FGF18: variants seen among roughly 807,000 people sequenced by gnomAD.
FGF18 encodes the protein fibroblast growth factor 18.
A neutral mutation model predicts 23.0 loss-of-function variants in FGF18; 5 were observed. The observed-to-expected ratio is 0.22, with a 90% confidence interval of 0.11 to 0.46. The LOEUF (loss-of-function observed/expected upper bound fraction) is 0.46. Among genes scored for constraint, FGF18 ranks in the 20% least tolerant of loss-of-function variants. The probability of loss-of-function intolerance (pLI) is 0.99; values close to 1 mark genes in which losing one functional copy is unlikely to be tolerated. For synonymous variants in FGF18, 117 were observed against 118.9 expected (o/e 0.98, Z 0.10); for missense variants, 180 against 291.6 (o/e 0.62, Z 2.79).
intron 2 of FGF18, among the ~76,000 whole-genome samples, chr5:171,420,671 G>T (rs1771991612): frequency 6.6e-6 from 1 of 152,180 alleles, no homozygotes; most frequent in African/African-American, 2.4e-5. Flanking sequence ...GCTGGCTGTC[G>T]CGGCCACTGT....
At chr5:171,424,212 T>G (rs1010802236) in intron 2 of FGF18, among the ~76,000 whole-genome samples, 19 of 152,208 alleles carry the variant, frequency 1.2e-4, no homozygotes, top group Non-Finnish European at 2.6e-4. Context: ...AGGGAGAAAG[T>G]GCCAGATGAA....
chr5:171,425,161 T>C (rs999869276), intron 2 of FGF18, among the ~76,000 whole-genome samples: 2 of 152,156 alleles, frequency 1.3e-5, no homozygotes, highest in African/African-American at 4.8e-5. Flanking sequence ...AAAATTGGGG[T>C]GCAGTCACAT....
chr5:171,448,232 A>G (rs1772446248), intron 3 of FGF18, among the ~76,000 whole-genome samples: 1 of 152,098 alleles, frequency 6.6e-6, no homozygotes, highest in African/African-American at 2.4e-5. Flanking sequence ...GGGGTCTCCC[A>G]CCCTGGGGGG....
intron 3 of FGF18, among the ~76,000 whole-genome samples, chr5:171,444,311 GTCAGACTGCCTGGGC>G (rs1772388079): frequency 6.6e-6 from 1 of 152,216 alleles, no homozygotes. Context: ...AGACTTCTGG[GTCAGACTGCCTGGGC>G]TTGGATCTCA....
chr5:171,457,158 G>GA lies in FGF18; in HGVS notation c.*367dup, dbSNP rs80325980. ...TCCTTTTTCCCAAAGGTTCTGAAAG[G>GA]AAAAAAAAAAAAAACAAAAAAAAAG... On this transcript the variant is annotated 3_prime_UTR_variant, in exon 5 of 5. Coordinates refer to ENST00000274625, the MANE Select transcript of FGF18 (RefSeq NM_003862.3). 2,364 of 90,438 alleles carry GA rather than the reference G, an allele frequency of 0.026. 42 individuals are homozygous for GA. Among genetic ancestry groups the GA allele is most frequent in the African/African-American group, 0.076 (1,850 of 24,300 alleles). 5.6% of individuals were successfully genotyped at this position (90,438 alleles called of 1,614,324 possible). A position where few individuals can be genotyped will look rare whatever the true frequency, so the allele number is the denominator to read the frequency against.
intron 2 of FGF18, among the ~76,000 whole-genome samples, chr5:171,427,597 G>C (rs1772113521): frequency 6.6e-6 from 1 of 152,182 alleles, no homozygotes; most frequent in South Asian, 2.1e-4. Context: ...CTGGCCTGTT[G>C]GTAGGAGTAA....
intron 2 of FGF18, among the ~76,000 whole-genome samples, chr5:171,423,578 G>A (rs1487949302): frequency 3.3e-5 from 5 of 151,974 alleles, no homozygotes; most frequent in Non-Finnish European, 7.4e-5. Flanking sequence ...CTCCTGCAGC[G>A]CCACTTCCTC....
rs751511416 is a variant in FGF18 at position 171,420,460 on chromosome 5, C to T, written c.69+17C>T. 6.2e-7 allele frequency: 1 copy of T among 1,612,244 alleles called. No homozygotes were observed. The highest frequency in any genetic ancestry group is 1.3e-5 in the African/African-American group (1 of 75,022). On this transcript the variant is annotated intron_variant, in intron 2 of 4. Coordinates refer to ENST00000274625, the MANE Select transcript of FGF18 (RefSeq NM_003862.3). Reference sequence around the variant, plus strand: ...CAGGTACAGGTACGTGGGCTCCTGACTTTGACCTCCTCCCGCCCCTGCCTC... The same window carrying T: ...CAGGTACAGGTACGTGGGCTCCTGATTTTGACCTCCTCCCGCCCCTGCCTC...
Position 171,420,344 on chromosome 5 carries a change from C to T in FGF18, c.33-63C>T, listed in dbSNP as rs369560635. ...TTCACCTGACTCTTCGACTGCGTGT[C>T]TGTCTGTCCGTGCGCCCCCTTCCTC... is the stretch of plus-strand genomic sequence containing the variant. On this transcript the variant is annotated intron_variant, in intron 1 of 4. Transcript: ENST00000274625. 7.5e-6 allele frequency: 12 copies of T among 1,607,092 alleles called. No individual in the cohort carries two copies. In the African/African-American group the frequency reaches 1.5e-4, roughly 20 times the overall value.
At chr5:171,433,478 T>C (rs549291888) in intron 2 of FGF18, among the ~76,000 whole-genome samples, 24 of 152,144 alleles carry the variant, frequency 1.6e-4, no homozygotes, top group African/African-American at 5.5e-4. Context: ...TCCAGGAAGG[T>C]CAAAGGCCAT....
intron 2 of FGF18, among the ~76,000 whole-genome samples, chr5:171,424,859 GGGGGA>G: frequency 6.6e-6 from 1 of 151,908 alleles, no homozygotes; most frequent in South Asian, 2.1e-4. Flanking sequence ...GGAAGGGGGA[GGGGGA>G]GGGGAGGGGG....
In FGF18 at chr5:171,457,577, T is replaced by A. The variant is rs1772605121; in HGVS notation, c.*772T>A. ...GTATATTGCAGTTTCATGAACCAAG[T>A]ATTACTGCCTCAACAATTAAAAACA... is the stretch of plus-strand genomic sequence containing the variant. On this transcript the variant is annotated 3_prime_UTR_variant, in exon 5 of 5. Transcript: ENST00000274625. 1 of 152,068 alleles carries A rather than the reference T, an allele frequency of 6.6e-6. No homozygotes were observed. The highest frequency in any genetic ancestry group is 2.1e-4 in the South Asian group (1 of 4,830). The allele number at this position is 152,068 out of a possible 1,614,324, so 9.4% of individuals were successfully genotyped here. A position where few individuals can be genotyped will look rare whatever the true frequency, so the allele number is the denominator to read the frequency against.
intron 4 of FGF18, among the ~76,000 whole-genome samples, chr5:171,449,539 T>C (rs1384697009): frequency 1.3e-5 from 2 of 152,006 alleles, no homozygotes; most frequent in South Asian, 2.1e-4. Context: ...GTGTCTCTCC[T>C]GTTGGGTGTG....
At chr5:171,430,524 C>G (rs1772165395) in intron 2 of FGF18, among the ~76,000 whole-genome samples, 9 of 143,460 alleles carry the variant, frequency 6.3e-5, no homozygotes, top group Admixed American at 4.7e-4. Context: ...CGCGGTGGCT[C>G]ACGCCTGTAA....
chr5:171,430,217 G>A (rs373542352), intron 2 of FGF18, among the ~76,000 whole-genome samples: 12 of 152,164 alleles, frequency 7.9e-5, no homozygotes, highest in East Asian at 5.8e-4. Flanking sequence ...AATTCACTGG[G>A]CGCGGTGGCA....
chr5:171,455,204 T>C (rs1772564778), intron 4 of FGF18, among the ~76,000 whole-genome samples: 1 of 152,134 alleles, frequency 6.6e-6, no homozygotes. Context: ...AGACCCAGGC[T>C]CCCAAGGGAG....
intron 3 of FGF18, among the ~76,000 whole-genome samples, chr5:171,447,324 T>C (rs1772431358): frequency 6.6e-6 from 1 of 152,092 alleles, no homozygotes; most frequent in Non-Finnish European, 1.5e-5. Context: ...TACGAAGAGA[T>C]GGAGAAAGCA....
At chr5:171,449,728 C>T (rs1772470210) in intron 4 of FGF18, among the ~76,000 whole-genome samples, 1 of 151,972 alleles carries the variant, frequency 6.6e-6, no homozygotes. Context: ...ACCTGGCCGC[C>T]TCGTCAGCGC....
At chr5:171,420,275 G>T in intron 1 of FGF18, 44 bp downstream of exon 1, 1 of 1,603,970 alleles carries the variant, frequency 6.2e-7, no homozygotes, top group South Asian at 1.1e-5. Context: ...CTGGCTGTCT[G>T]TCCGTATGCC....
Sources: gnomAD v4.1 joint callset for allele counts (sites outside exome capture counted in the v4.1 genomes callset) on GRCh38, gnomAD v4.1.1 for gene constraint, MANE v1.5 for transcripts, NCBI Gene and HGNC (gene_info 2026-07-23, HGNC 2026-07-21) for gene names.